RBBP8: variants seen among roughly 807,000 people sequenced by gnomAD.
The protein encoded by RBBP8 is RB binding protein 8, endonuclease.
In RBBP8, 88 loss-of-function variants were observed where a neutral mutation model predicts 108.3. The observed-to-expected ratio is 0.81, with a 90% confidence interval of 0.68 to 0.97. The LOEUF (loss-of-function observed/expected upper bound fraction) is 0.97, where lower values mean the gene tolerates loss of function less well. Ranked by LOEUF, RBBP8 falls within the 50% of genes least tolerant of loss-of-function variation. RBBP8 has a pLI of 0.00. For synonymous variants in RBBP8, 332 were observed against 348.2 expected, an observed-to-expected ratio of 0.95 and a Z score of 0.52; for missense variants, 1,023 against 1,049.0, an observed-to-expected ratio of 0.98 and a Z score of 0.34.
intron 2 of RBBP8, among the ~76,000 whole-genome samples, chr18:22,943,740 A>G (rs2144444017): frequency 6.6e-6 from 1 of 152,336 alleles, no homozygotes; most frequent in South Asian, 2.1e-4. Context: ...AGAACCATAA[A>G]TAACTTGTTT....
intron 5 of RBBP8, among the ~76,000 whole-genome samples, chr18:22,970,458 A>G (rs1053354960): frequency 6.6e-6 from 1 of 152,222 alleles, no homozygotes; most frequent in African/African-American, 2.4e-5. Context: ...TGTATGCCAT[A>G]GTATAGGTGT....
chr18:23,023,938 A>G (rs900172941), intron 18 of RBBP8, among the ~76,000 whole-genome samples: 2 of 140,582 alleles, frequency 1.4e-5, no homozygotes, highest in African/African-American at 2.7e-5. Flanking sequence ...AAATGGCACA[A>G]TCTCGGCTCA....
intron 1 of RBBP8, among the ~76,000 whole-genome samples, chr18:22,935,298 ATT>A (rs1166835053): frequency 7.2e-6 from 1 of 138,730 alleles, no homozygotes. Context: ...TTTTTGCTGG[ATT>A]TTTTTTTTTT....
intron 6 of RBBP8, among the ~76,000 whole-genome samples, chr18:22,976,627 C>T (rs1192746276): frequency 6.6e-6 from 1 of 152,028 alleles, no homozygotes; most frequent in African/African-American, 2.4e-5. Flanking sequence ...TACTGTATTA[C>T]TTTCATTTTT....
At chr18:22,947,834 AC>A (rs1230413265) in intron 3 of RBBP8, among the ~76,000 whole-genome samples, 1 of 152,040 alleles carries the variant, frequency 6.6e-6, no homozygotes, top group African/African-American at 2.4e-5. Context: ...CACTTTCTTG[AC>A]CTGAATATTT....
chr18:22,976,687 A>G (rs375043316), intron 6 of RBBP8, among the ~76,000 whole-genome samples: 29 of 152,198 alleles, frequency 1.9e-4, no homozygotes, highest in Non-Finnish European at 4.0e-4. Flanking sequence ...GATTTTAGAT[A>G]AGTGATTGTT....
intron 18 of RBBP8, among the ~76,000 whole-genome samples, chr18:23,023,922 G>A (rs2144864097): frequency 7.6e-6 from 1 of 132,296 alleles, no homozygotes; most frequent in South Asian, 2.5e-4. Context: ...GCCCAGGCTG[G>A]AGTGCAAATG....
At chr18:22,981,059 G>A (rs975968031) in intron 6 of RBBP8, among the ~76,000 whole-genome samples, 12 of 63,018 alleles carry the variant, frequency 1.9e-4, no homozygotes, top group Non-Finnish European at 3.9e-4. Context: ...TGCAAGCTCC[G>A]ACTCTGGGTT....
chr18:22,972,958 C>T (rs1021082147), intron 5 of RBBP8, among the ~76,000 whole-genome samples: 4 of 152,062 alleles, frequency 2.6e-5, no homozygotes, highest in African/African-American at 4.8e-5. Context: ...AGAGCTTTTC[C>T]GTATGGATAG....
At chr18:22,932,572 T>C (rs1479130736), upstream of RBBP8, among the ~76,000 whole-genome samples, 1 of 152,230 alleles carries the variant, frequency 6.6e-6, no homozygotes, top group African/African-American at 2.4e-5. Context: ...CTGTTAATAT[T>C]ATCCCTTCCC....
chr18:23,015,668 T>G (rs1006747503), intron 16 of RBBP8, among the ~76,000 whole-genome samples: 3 of 152,128 alleles, frequency 2.0e-5, no homozygotes, highest in Non-Finnish European at 4.4e-5. Flanking sequence ...TTTTCATTCT[T>G]CTGCAGTGGA....
intron 4 of RBBP8, among the ~76,000 whole-genome samples, chr18:22,960,784 T>C (rs1004895751): frequency 6.6e-6 from 1 of 152,116 alleles, no homozygotes; most frequent in Non-Finnish European, 1.5e-5. Context: ...GAAATGAAAT[T>C]TAAATAATAT....
chr18:22,971,330 A>C (rs1364671074), intron 5 of RBBP8, among the ~76,000 whole-genome samples: 1 of 152,102 alleles, frequency 6.6e-6, no homozygotes, highest in Non-Finnish European at 1.5e-5. Context: ...GCAAATAGTG[A>C]CAATTTCGTC....
chr18:22,929,510 G>GTGTGTGTGT (rs147326546), upstream of RBBP8: 1 of 125,204 alleles, frequency 8.0e-6, no homozygotes, highest in Middle Eastern at 3.6e-3. Flanking sequence ...GTGTGTGTGT[G>GTGTGTGTGT]AAGAGACAGG....
chr18:22,921,487 A>C (rs1381656722), intron 3 of RBBP8, among the ~76,000 whole-genome samples: 1 of 152,184 alleles, frequency 6.6e-6, no homozygotes, highest in Non-Finnish European at 1.5e-5. Flanking sequence ...GTAAAGTTTC[A>C]CCTGCATGAA....
rs1419776907 is a variant in RBBP8, at chr18:23,006,361, A to G, written c.2288-2A>G. 6.2e-7 allele frequency: 1 copy of G among 1,611,070 alleles called. No homozygotes were observed. ...TTTGTAATGTGCATGTTTTATTTATAGCTCATGGTGATAAACAAGACAAAG... is the reference window on the plus strand; with the variant it reads ...TTTGTAATGTGCATGTTTTATTTATGGCTCATGGTGATAAACAAGACAAAG... On this transcript the variant is annotated splice_acceptor_variant, in intron 15 of 18. Coordinates refer to ENST00000327155, the MANE Select transcript of RBBP8 (RefSeq NM_002894.3). LOFTEE classifies it high-confidence loss of function.
chr18:22,938,225 G>A (rs1318771470), intron 2 of RBBP8, among the ~76,000 whole-genome samples: 1 of 152,008 alleles, frequency 6.6e-6, no homozygotes, highest in East Asian at 1.9e-4. Flanking sequence ...TCAAACTCTC[G>A]GGCCCAAGTG....
chr18:23,002,866 T>TC (rs1167806481), intron 15 of RBBP8, among the ~76,000 whole-genome samples: 1 of 152,180 alleles, frequency 6.6e-6, no homozygotes, highest in African/African-American at 2.4e-5. Context: ...TGGCAAAAAC[T>TC]CCATCAAGTA....
intron 13 of RBBP8, 100 bp downstream of exon 13, chr18:22,996,562 G>A: frequency 2.0e-6 from 3 of 1,531,718 alleles, no homozygotes; most frequent in South Asian, 1.2e-5. Context: ...AAGATAATCA[G>A]ATACGTCTTA....
Sources: gnomAD v4.1 joint callset for allele counts (sites outside exome capture counted in the v4.1 genomes callset) on GRCh38, gnomAD v4.1.1 for gene constraint, MANE v1.5 for transcripts, NCBI Gene and HGNC (gene_info 2026-07-23, HGNC 2026-07-21) for gene names.